RPS6KC1: variants seen among roughly 807,000 people sequenced by gnomAD.
RPS6KC1 encodes ribosomal protein S6 kinase C1.
In RPS6KC1, 54 loss-of-function variants were observed where a neutral mutation model predicts 103.8. The observed-to-expected ratio is 0.52, with a 90% confidence interval of 0.42 to 0.65. RPS6KC1 has a LOEUF of 0.65. RPS6KC1 is among the 30% of genes least tolerant of loss of function. RPS6KC1 has a pLI of 0.00. For synonymous variants in RPS6KC1, 439 were observed against 438.7 expected (o/e 1.00, Z -0.01); for missense variants, 1,151 against 1,253.8 (o/e 0.92, Z 1.24).
the RPS6KC1 span, among the ~76,000 whole-genome samples, chr1:213,509,447 T>A: frequency 2.5e-4 from 38 of 152,174 alleles, no homozygotes; most frequent in African/African-American, 8.2e-4. Context: ...TAGTAAATGG[T>A]CGTTCAATTT....
chr1:213,518,955 G>T, the RPS6KC1 span, among the ~76,000 whole-genome samples: 11,442 of 152,140 alleles, frequency 0.075, 776 homozygotes, highest in African/African-American at 0.17. Context: ...AGAAGGGAAG[G>T]GATATCTCAG....
the RPS6KC1 span, among the ~76,000 whole-genome samples, chr1:213,647,320 C>T: frequency 0.98 from 149,840 of 152,274 alleles, 73,763 homozygotes; most frequent in East Asian, 1. Context: ...TAGCCAAATA[C>T]CAATAGTGGC....
At chr1:213,270,655 A>G (rs1307136165) in intron 14 of RPS6KC1, among the ~76,000 whole-genome samples, 2 of 152,202 alleles carry the variant, frequency 1.3e-5, no homozygotes, top group Non-Finnish European at 2.9e-5. Context: ...AAGGAAAATG[A>G]AGACAAGTCA....
intron 4 of RPS6KC1, among the ~76,000 whole-genome samples, chr1:213,113,426 T>C (rs1448208170): frequency 6.6e-6 from 1 of 151,590 alleles, no homozygotes; most frequent in Non-Finnish European, 1.5e-5. Flanking sequence ...TTCTTGTAAA[T>C]TTGTTTGAGT....
the RPS6KC1 span, among the ~76,000 whole-genome samples, chr1:213,681,056 A>G: frequency 1.3e-5 from 2 of 152,184 alleles, no homozygotes; most frequent in African/African-American, 2.4e-5. Flanking sequence ...CCTTCTGTGT[A>G]GACTCTGACG....
intron 10 of RPS6KC1, among the ~76,000 whole-genome samples, chr1:213,235,255 G>T (rs1171064261): frequency 6.6e-6 from 1 of 152,146 alleles, no homozygotes; most frequent in African/African-American, 2.4e-5. Flanking sequence ...CATTTCATTA[G>T]AAATGTATTG....
At chr1:213,312,304 C>T in the RPS6KC1 span, among the ~76,000 whole-genome samples, 64,694 of 151,956 alleles carry the variant, frequency 0.43, 14,857 homozygotes, top group African/African-American at 0.61. Context: ...CTCAGGGGCA[C>T]TTAGGTGTCT....
the RPS6KC1 span, among the ~76,000 whole-genome samples, chr1:213,719,081 T>C: frequency 6.6e-6 from 1 of 152,174 alleles, no homozygotes; most frequent in East Asian, 1.9e-4. Flanking sequence ...TGGGCCATTG[T>C]TTAAGGTTGT....
chr1:213,241,625 A>G lies in RPS6KC1; in HGVS notation c.2149A>G (p.Asn717Asp). 6.2e-7 allele frequency: 1 copy of G among 1,613,932 alleles called. No homozygotes were observed. The change falls in exon 11 of 15, where the codon AAT (asparagine) becomes GAT (aspartate). Residue 717 changes from asparagine to aspartate, a missense_variant. Physicochemically the swap from Asn to Asp is conservative, Grantham distance 23. Coordinates refer to ENST00000366960, the MANE Select transcript of RPS6KC1 (RefSeq NM_012424.6). ...AMGPTKFTQT[N>D]IGIIENKLLE... ...GGGACCTACTAAGTTTACACAAACT[A>G]ATATAGGGATAATAGAAAATAAACT...
At chr1:213,692,990 C>G in the RPS6KC1 span, among the ~76,000 whole-genome samples, 1 of 152,166 alleles carries the variant, frequency 6.6e-6, no homozygotes, top group Non-Finnish European at 1.5e-5. Flanking sequence ...CTGGGCCAGT[C>G]CTGGAACACA....
the RPS6KC1 span, among the ~76,000 whole-genome samples, chr1:213,601,992 C>CT: frequency 1.5e-4 from 3 of 20,120 alleles, no homozygotes; most frequent in Admixed American, 8.4e-4. Flanking sequence ...CTCTCTCTTT[C>CT]TTTCTTTTCT....
intron 6 of RPS6KC1, among the ~76,000 whole-genome samples, chr1:213,152,600 C>T (rs1188797333): frequency 5.1e-5 from 7 of 137,088 alleles, no homozygotes; most frequent in Middle Eastern, 4.5e-3. Flanking sequence ...ACATCCCAGA[C>T]GGGGCGGCGG....
intron 8 of RPS6KC1, among the ~76,000 whole-genome samples, chr1:213,202,663 A>T (rs1003230467): frequency 1.3e-5 from 2 of 152,054 alleles, no homozygotes; most frequent in South Asian, 4.1e-4. Context: ...ACCAAAAAAG[A>T]CATCAGTCAA....
chr1:213,076,375 A>G (rs2079336508), intron 2 of RPS6KC1, among the ~76,000 whole-genome samples: 1 of 152,186 alleles, frequency 6.6e-6, no homozygotes, highest in African/African-American at 2.4e-5. Flanking sequence ...TTTGGCAGGA[A>G]TCTCTTAAAT....
At chr1:213,810,204 A>G in the RPS6KC1 span, among the ~76,000 whole-genome samples, 3 of 152,220 alleles carry the variant, frequency 2.0e-5, no homozygotes, top group Non-Finnish European at 4.4e-5. Flanking sequence ...GGTATGAAGC[A>G]AGCCTGAGGA....
chr1:213,545,515 A>G, the RPS6KC1 span, among the ~76,000 whole-genome samples: 1 of 152,022 alleles, frequency 6.6e-6, no homozygotes, highest in Non-Finnish European at 1.5e-5. Context: ...TCTTCACATT[A>G]TCTTTCCTTT....
intron 1 of RPS6KC1, among the ~76,000 whole-genome samples, chr1:213,056,135 G>A (rs79776700): frequency 0.019 from 2,893 of 152,230 alleles, 94 homozygotes; most frequent in African/African-American, 0.064. Context: ...TTTATTATAC[G>A]TAGCTAGTGT....
chr1:213,498,245 A>G, the RPS6KC1 span, among the ~76,000 whole-genome samples: 8,962 of 152,242 alleles, frequency 0.059, 808 homozygotes, highest in African/African-American at 0.19. Context: ...TAAAAGATGT[A>G]TAAGTGATGT....
chr1:213,488,936 A>T, the RPS6KC1 span, among the ~76,000 whole-genome samples: 1 of 152,324 alleles, frequency 6.6e-6, no homozygotes, highest in African/African-American at 2.4e-5. Context: ...GATTCATATA[A>T]TTGTCCCCAA....
Sources: allele counts gnomAD v4.1 joint callset (sites outside exome capture counted in the v4.1 genomes callset), GRCh38; gene constraint gnomAD v4.1.1; transcripts MANE v1.5; gene names NCBI Gene and HGNC (gene_info 2026-07-23, HGNC 2026-07-21).